NEURL4: variants seen among roughly 807,000 people sequenced by gnomAD.
NEURL4 encodes the protein neuralized E3 ubiquitin protein ligase 4.
A neutral mutation model predicts 148.0 loss-of-function variants in NEURL4; 45 were observed. The ratio of observed to expected loss-of-function variants is 0.30; its 90% confidence interval spans 0.24 to 0.39. The LOEUF (loss-of-function observed/expected upper bound fraction) is 0.39. Ranked by LOEUF, NEURL4 falls within the 10% of genes least tolerant of loss-of-function variation. The pLI, the probability that NEURL4 is intolerant of heterozygous loss-of-function variation, is 1.00. For missense variants in NEURL4, 1,776 were observed against 2,144.0 expected (o/e 0.83, Z 3.39); for synonymous variants, 854 against 869.0 (o/e 0.98, Z 0.30).
In NEURL4 at chr17:7,322,744, G is replaced by A. The variant is rs779731787; in HGVS notation, c.2716C>T (p.His906Tyr). 39 of 1,611,924 alleles carry A rather than the reference G, an allele frequency of 2.4e-5. No homozygotes were observed. Among genetic ancestry groups the A allele is most frequent in the Middle Eastern group, 3.3e-4 (2 of 6,084 alleles). Residue 906 changes from histidine to tyrosine, a missense_variant, in exon 16 of 29, where the codon CAC becomes TAC. Coordinates refer to ENST00000399464, the MANE Select transcript of NEURL4 (RefSeq NM_032442.3). The surrounding 1 kb of genome is among the most constrained non-coding windows in gnomAD (Gnocchi z 5.5). ...CGCCCTGCTGCCGCACCTGGGGAGT[G>A]CAGTGGGAAGGACTTCTCGGTGGCA... The part of the protein sequence containing the change: ...NTATEKSFPL[H>Y]SPVAGVAHRF...
Position 7,322,742 on chromosome 17 carries a change from G to A in NEURL4, c.2718C>T (p.His906=). The change falls in exon 16 of 29, where the codon CAC becomes CAT. Residue 906 remains histidine (H), a synonymous_variant. Transcript: ENST00000399464. The surrounding 1 kb of genome is among the most constrained non-coding windows in gnomAD (Gnocchi z 5.5). ...NTATEKSFPL[H]SPVAGVAHRF... ...CCCGCCCTGCTGCCGCACCTGGGGAGTGCAGTGGGAAGGACTTCTCGGTGG... is the reference window on the plus strand; with the variant it reads ...CCCGCCCTGCTGCCGCACCTGGGGAATGCAGTGGGAAGGACTTCTCGGTGG... 1 of 1,611,940 alleles carries A rather than the reference G, an allele frequency of 6.2e-7. No homozygotes were observed. Among genetic ancestry groups the A allele is most frequent in the South Asian group, 1.1e-5 (1 of 91,082 alleles).
rs993709026 is a variant in NEURL4, at chr17:7,323,573, G to A, written c.2339-10C>T. On this transcript the variant is annotated splice_polypyrimidine_tract_variant and intron_variant, in intron 13 of 28. Coordinates refer to ENST00000399464, the MANE Select transcript of NEURL4 (RefSeq NM_032442.3). ...CGAATAGCAGTCACTCCTGGGAGGA[G>A]GCAGGGGTAAGTCAAGGCCGATCCC... 4.3e-6 allele frequency: 7 copies of A among 1,614,204 alleles called. No individual in the cohort carries two copies. Among genetic ancestry groups the A allele is most frequent in the Non-Finnish European group, 5.9e-6 (7 of 1,180,002 alleles).
At position 7,318,550 on chromosome 17, in the gene NEURL4, G is replaced by A. The variant is rs1239160880; in HGVS notation, c.3809C>T (p.Pro1270Leu). 1.2e-6 allele frequency: 2 copies of A among 1,613,450 alleles called. No individual in the cohort carries two copies. Among genetic ancestry groups the A allele is most frequent in the Admixed American group, 1.7e-5 (1 of 59,890 alleles). Residue 1270 changes from proline (P) to leucine (L), a missense_variant, in exon 23 of 29, where the codon CCA becomes CTA. Pro to Leu is a moderately conservative substitution (Grantham distance 98, BLOSUM62 -3). Coordinates refer to ENST00000399464, the MANE Select transcript of NEURL4 (RefSeq NM_032442.3). The surrounding 1 kb of genome is among the most constrained non-coding windows in gnomAD (Gnocchi z 4.3). Reference protein sequence around the residue: ...VNGVDQGVAVPDVPQPCHALV... With the variant: ...VNGVDQGVAVLDVPQPCHALV... ...CGCATGGCAGGGCTGGGGCACATCTGGCACAGCTACCCCCTGGTCCACCCC... is the reference window on the plus strand; with the variant it reads ...CGCATGGCAGGGCTGGGGCACATCTAGCACAGCTACCCCCTGGTCCACCCC...
Position 7,318,780 on chromosome 17 carries a change from C to T in NEURL4, c.3685-106G>A. On this transcript the variant is annotated intron_variant, in intron 22 of 28. Coordinates refer to ENST00000399464, the MANE Select transcript of NEURL4 (RefSeq NM_032442.3). This position sits in a 1 kb window ranked among gnomAD's most constrained non-coding sequence, Gnocchi z 4.3. ...CCAGTGCCTTGGCTTTGCCTCCATG[C>T]TTGCCCACTGCCGAGGTTCTCCTCC... 7.1e-6 allele frequency: 9 copies of T among 1,267,346 alleles called. No homozygotes were observed. The South Asian group carries it at 1.4e-4, about 19-fold the overall frequency. The allele number at this position is 1,267,346 out of a possible 1,614,324, so 78.5% of individuals were successfully genotyped here.
chr17:7,329,329 G>C lies in NEURL4; in HGVS notation c.-17C>G, dbSNP rs1384857434. ...TGCCGCCATCTCCGCTGACACCGGG[G>C]CAGCGCGACAGCCGCGCTTGGCGGC... On this transcript the variant is annotated 5_prime_UTR_variant, in exon 1 of 29. Transcript: ENST00000399464. The C allele has an allele frequency of 3.6e-6, 5 of 1,378,270 alleles. No homozygotes were observed. Among genetic ancestry groups the C allele is most frequent in the Non-Finnish European group, 4.7e-6 (5 of 1,073,502 alleles). 85.4% of individuals were successfully genotyped at this position (1,378,270 alleles called of 1,614,324 possible).
rs746305518 is a variant in NEURL4, at chr17:7,323,612, TCCAACAGCCC to T, written c.2338+25_2338+34del. Reference sequence around the variant, plus strand: ...AAGGCCGATCCCCAAGGCACAGACATCCAACAGCCCCCAACACACACAGACGGCCCTCACC... The same window carrying T: ...AAGGCCGATCCCCAAGGCACAGACATCCAACACACACAGACGGCCCTCACC... On this transcript the variant is annotated intron_variant, in intron 13 of 28. Coordinates refer to ENST00000399464, the MANE Select transcript of NEURL4 (RefSeq NM_032442.3). 17 of 1,613,778 alleles carry T rather than the reference TCCAACAGCCC, an allele frequency of 1.1e-5. No homozygotes were observed. The African/African-American group carries it at 2.1e-4, about 20-fold the overall frequency.
Position 7,321,954 on chromosome 17 carries a change from C to T in NEURL4, c.2782G>A (p.Glu928Lys), listed in dbSNP as rs2073040338. 6.2e-7 allele frequency: 1 copy of T among 1,613,612 alleles called. No homozygotes were observed. Among genetic ancestry groups the T allele is most frequent in the African/African-American group, 1.3e-5 (1 of 74,928 alleles). Residue 928 changes from glutamate (E) to lysine (K), a missense_variant, in exon 17 of 29, where the codon GAG becomes AAG. Transcript: ENST00000399464. This position sits in a 1 kb window ranked among gnomAD's most constrained non-coding sequence, Gnocchi z 6.3. ...STCGKNVTLE[E>K]DGTRAVRAAG... is the part of the protein sequence containing the mutation. ...GCACGCACTGCCCTCGTGCCATCCT[C>T]CTCTAGAGTGACGTTCTTGCCGCAA...
At position 7,321,419 on chromosome 17, in the gene NEURL4, G is replaced by C; in HGVS notation, c.3140C>G (p.Thr1047Arg). Residue 1047 changes from threonine (T) to arginine (R), a missense_variant, in exon 19 of 29, where the codon ACG becomes AGG. By Grantham distance (71) the Thr-to-Arg change is moderately conservative. Transcript: ENST00000399464. This position sits in a 1 kb window ranked among gnomAD's most constrained non-coding sequence, Gnocchi z 6.3. ...RVGVRRGADDTMHILVDGEDM... is the reference protein window; with the variant it reads ...RVGVRRGADDRMHILVDGEDM... ...CTCTCCATCCACCAGGATGTGCATC[G>C]TGTCATCTGCCCCCCGACGAACACC... The C allele has an allele frequency of 1.2e-6, 2 of 1,614,084 alleles. No individual in the cohort carries two copies. Among genetic ancestry groups the C allele is most frequent in the Non-Finnish European group, 1.7e-6 (2 of 1,180,012 alleles).
chr17:7,327,196 C>T lies in NEURL4; in HGVS notation c.762G>A (p.Glu254=). The change falls in exon 3 of 29, where the codon GAG becomes GAA. Residue 254 remains glutamate, a synonymous_variant. Transcript: ENST00000399464. This position sits in a 1 kb window ranked among gnomAD's most constrained non-coding sequence, Gnocchi z 6.6. ...FMVSPAQARP[E]TFPNSLESHN... ...GCGACTCAAGGCTGTTAGGAAACGTCTCCGGCCGGGCCTGCGCTGGGGACA... is the reference window on the plus strand; with the variant it reads ...GCGACTCAAGGCTGTTAGGAAACGTTTCCGGCCGGGCCTGCGCTGGGGACA... The T allele has an allele frequency of 6.2e-7, 1 of 1,612,376 alleles. No homozygotes were observed. The highest frequency in any genetic ancestry group is 8.5e-7 in the Non-Finnish European group (1 of 1,179,840).
chr17:7,317,234 A>G lies in NEURL4; in HGVS notation c.4455T>C (p.Ala1485=). 1.3e-6 allele frequency: 2 copies of G among 1,519,052 alleles called. No individual in the cohort carries two copies. Among genetic ancestry groups the G allele is most frequent in the Non-Finnish European group, 1.8e-6 (2 of 1,136,084 alleles). The allele number at this position is 1,519,052 out of a possible 1,614,324, so 94.1% of individuals were successfully genotyped here. A position where few individuals can be genotyped will look rare whatever the true frequency, so the allele number is the denominator to read the frequency against. The change falls in exon 28 of 29, where the codon GCT becomes GCC. Residue 1485 remains alanine (A), a synonymous_variant. Transcript: ENST00000399464. ...PVLLSPSLQY[A]GAETLASKVQ... is the part of the protein sequence containing the mutation. ...CTTTGGAGGCCAGGGTCTCCGCCCC[A>G]GCATATTGAAGGGAGGGGGAAAGCA...
At position 7,326,289 on chromosome 17, in the gene NEURL4, C is replaced by A; in HGVS notation, c.1259G>T (p.Arg420Leu). 1 of 1,614,132 alleles carries A rather than the reference C, an allele frequency of 6.2e-7. No homozygotes were observed. ...GILTNGKGTR[R>L]EYCEFSLDEL... ...ATCCAGACTGAATTCGCAGTACTCCCGGCGGGTGCCCTTGCCATTGGTCAG... is the reference window on the plus strand; with the variant it reads ...ATCCAGACTGAATTCGCAGTACTCCAGGCGGGTGCCCTTGCCATTGGTCAG... The change falls in exon 6 of 29, where the codon CGG becomes CTG. Residue 420 changes from arginine to leucine, a missense_variant. Physicochemically the swap from Arg to Leu is moderately radical, Grantham distance 102. Transcript: ENST00000399464. The surrounding 1 kb of genome is among the most constrained non-coding windows in gnomAD (Gnocchi z 6.0).
rs200317050 is a variant in NEURL4, at chr17:7,324,757, C to G, written c.1813+42G>C. 6.2e-7 allele frequency: 1 copy of G among 1,604,480 alleles called. No individual in the cohort carries two copies. The highest frequency in any genetic ancestry group is 1.3e-5 in the African/African-American group (1 of 74,768). On this transcript the variant is annotated intron_variant, in intron 9 of 28. Transcript: ENST00000399464. This position sits in a 1 kb window ranked among gnomAD's most constrained non-coding sequence, Gnocchi z 5.9. ...TGCCAGGGCTTTGGGGATAGCTTCC[C>G]CCCAAAACCCTATCCTGTCCCTGCC...
chr17:7,323,636 A>ACGG lies in NEURL4; in HGVS notation c.2338+8_2338+10dup, dbSNP rs1597635898. ...ATCCAACAGCCCCCAACACACACAGACGGCCCTCACCAGCCTCAATGGAGC... is the reference window on the plus strand; with the variant it reads ...ATCCAACAGCCCCCAACACACACAGACGGCGGCCCTCACCAGCCTCAATGGAGC... On this transcript the variant is annotated intron_variant, in intron 13 of 28. Coordinates refer to ENST00000399464, the MANE Select transcript of NEURL4 (RefSeq NM_032442.3). 1.2e-6 allele frequency: 2 copies of ACGG among 1,613,596 alleles called. No homozygotes were observed. Among genetic ancestry groups the ACGG allele is most frequent in the Non-Finnish European group, 8.5e-7 (1 of 1,179,698 alleles).
intron 1 of NEURL4, 119 bp from the exon 2 acceptor site, chr17:7,328,003 G>C: frequency 1.3e-6 from 1 of 764,710 alleles, no homozygotes; most frequent in Non-Finnish European, 2.1e-6. Flanking sequence ...CACTAATCCA[G>C]AGATGCAGAC....
At chr17:7,319,587 C>T (rs2073000815) in intron 21 of NEURL4, among the ~76,000 whole-genome samples, 1 of 150,518 alleles carries the variant, frequency 6.6e-6, no homozygotes, top group Admixed American at 6.6e-5. Context: ...GTAGTCCCAG[C>T]TACTTGGGAG....
Position 7,322,808 on chromosome 17 carries a change from G to A in NEURL4, c.2652C>T (p.Ala884=). The A allele has an allele frequency of 1.2e-6, 2 of 1,614,086 alleles. No homozygotes were observed. Among genetic ancestry groups the A allele is most frequent in the Non-Finnish European group, 1.7e-6 (2 of 1,180,004 alleles). Residue 884 remains alanine (A), a synonymous_variant, in exon 16 of 29, where the codon GCC becomes GCT. Transcript: ENST00000399464. The surrounding 1 kb of genome is among the most constrained non-coding windows in gnomAD (Gnocchi z 5.5). The part of the protein sequence containing the change: ...GQCVQVSITN[A]TGPMDNSLAT... ...CCAGGCTGTTGTCCATGGGGCCGGTGGCATTGGTGATGGACACTTGGACAC... is the reference window on the plus strand; with the variant it reads ...CCAGGCTGTTGTCCATGGGGCCGGTAGCATTGGTGATGGACACTTGGACAC...
chr17:7,324,562 C>A lies in NEURL4; in HGVS notation c.1814-82G>T. ...GCCACAGCAGCGCCCACAGGACTCC[C>A]GAGCCCACAGTCCACCTTGCCTTTT... On this transcript the variant is annotated intron_variant, in intron 9 of 28. Coordinates refer to ENST00000399464, the MANE Select transcript of NEURL4 (RefSeq NM_032442.3). The surrounding 1 kb of genome is among the most constrained non-coding windows in gnomAD (Gnocchi z 5.9). 1.5e-6 allele frequency: 2 copies of A among 1,325,760 alleles called. No homozygotes were observed. Among genetic ancestry groups the A allele is most frequent in the South Asian group, 1.2e-5 (1 of 83,930 alleles). The allele number at this position is 1,325,760 out of a possible 1,614,324, so 82.1% of individuals were successfully genotyped here. A position where few individuals can be genotyped will look rare whatever the true frequency, so the allele number is the denominator to read the frequency against.
In NEURL4 at chr17:7,323,109, A is replaced by G. The variant is rs1354075731; in HGVS notation, c.2432T>C (p.Met811Thr). ...GTTGCGCATCGTGTTACCGTCTTGC[A>G]TGATGGCTGTACCACTGGGGGGATG... ...DTWMLSGTAI[M>T]QDGNTMRNNY... The change falls in exon 15 of 29, where the codon ATG (methionine) becomes ACG (threonine). Residue 811 changes from methionine to threonine, a missense_variant. Transcript: ENST00000399464. The G allele has an allele frequency of 1.2e-6, 2 of 1,612,838 alleles. No individual in the cohort carries two copies. The highest frequency in any genetic ancestry group is 1.7e-6 in the Non-Finnish European group (2 of 1,179,404).
In NEURL4 at chr17:7,318,745, C is replaced by T. The variant is rs2072986769; in HGVS notation, c.3685-71G>A. On this transcript the variant is annotated intron_variant, in intron 22 of 28. Coordinates refer to ENST00000399464, the MANE Select transcript of NEURL4 (RefSeq NM_032442.3). The surrounding 1 kb of genome is among the most constrained non-coding windows in gnomAD (Gnocchi z 4.3). ...GGCAGCTGTCCCGCCCTTTGCTCTG[C>T]TTCCTTTTGCCAGTGCCTTGGCTTT... is the stretch of plus-strand genomic sequence containing the variant. 1 of 1,489,446 alleles carries T rather than the reference C, an allele frequency of 6.7e-7. No homozygotes were observed. 92.3% of individuals were successfully genotyped at this position (1,489,446 alleles called of 1,614,324 possible). A position where few individuals can be genotyped will look rare whatever the true frequency, so the allele number is the denominator to read the frequency against.
Sources: gnomAD v4.1 joint callset for allele counts (sites outside exome capture counted in the v4.1 genomes callset) on GRCh38, gnomAD v4.1.1 for gene constraint, Gnocchi (gnomAD v3.1) non-coding constraint, MANE v1.5 for transcripts, NCBI Gene and HGNC (gene_info 2026-07-23, HGNC 2026-07-21) for gene names.